The following SDCBP2 variants were observed in gnomAD, a reference collection of about 807,000 sequenced individuals.
The protein encoded by SDCBP2 is syntenin-2.
In SDCBP2, 28 loss-of-function variants were observed where a neutral mutation model predicts 30.7. That is an observed-to-expected ratio of 0.91 (90% CI 0.68 to 1.25). The LOEUF (loss-of-function observed/expected upper bound fraction) is 1.25. Among genes scored for constraint, SDCBP2 ranks in the 50% most tolerant of loss-of-function variants. The pLI is 0.00. For synonymous variants in SDCBP2, 166 were observed against 157.3 expected, an observed-to-expected ratio of 1.06 and a Z score of -0.41; for missense variants, 399 against 379.0, an observed-to-expected ratio of 1.05 and a Z score of -0.44.
Position 1,319,630 on chromosome 20 carries a change from T to A in SDCBP2, c.84A>T (p.Pro28=). The part of the protein sequence containing the change: ...QAQVRASPKM[P]ALPVQATAIS... ...TGGCTGTTGCCTGGACTGGCAGGGC[T>A]GGCATCTTGGGTGAGGCTCTGACCT... The change falls in exon 3 of 9, where the codon CCA becomes CCT. Residue 28 remains proline, a synonymous_variant. Transcript: ENST00000360779. 4 of 1,571,186 alleles carry A rather than the reference T, an allele frequency of 2.5e-6. No individual in the cohort carries two copies. The highest frequency in any genetic ancestry group is 3.5e-6 in the Non-Finnish European group (4 of 1,157,744).
At position 1,318,363 on chromosome 20, in the gene SDCBP2, G is replaced by A; in HGVS notation, c.180C>T (p.Ser60=). 6.2e-7 allele frequency: 1 copy of A among 1,613,544 alleles called. No individual in the cohort carries two copies. Among genetic ancestry groups the A allele is most frequent in the Non-Finnish European group, 8.5e-7 (1 of 1,179,760 alleles). ...GAAGCAGGCTCTCCTGGACTTCTTGGCTGGAGAGGGAAAGACCCATATAAT... is the reference window on the plus strand; with the variant it reads ...GAAGCAGGCTCTCCTGGACTTCTTGACTGGAGAGGGAAAGACCCATATAAT... The part of the protein sequence containing the change: ...LENYMGLSLS[S]QEVQESLLQI... The change falls in exon 4 of 9, where the codon AGC becomes AGT. Residue 60 remains serine, a synonymous_variant. Coordinates refer to ENST00000360779, the MANE Select transcript of SDCBP2 (RefSeq NM_080489.5).
At position 1,312,326 on chromosome 20, in the gene SDCBP2, C is replaced by T. The variant is rs781306769; in HGVS notation, c.732+11G>A. 33 of 1,611,186 alleles carry T rather than the reference C, an allele frequency of 2.0e-5. No homozygotes were observed. The highest frequency in any genetic ancestry group is 2.6e-5 in the Non-Finnish European group (31 of 1,178,868). On this transcript the variant is annotated intron_variant, in intron 7 of 8. Transcript: ENST00000360779. ...CCCGGCAGTCCCTCCCTGGTGCGGCCACCAGCCTACCTTCAGCCCGATAAC... is the reference window on the plus strand; with the variant it reads ...CCCGGCAGTCCCTCCCTGGTGCGGCTACCAGCCTACCTTCAGCCCGATAAC...
chr20:1,312,903 T>C (rs760947554), intron 5 of SDCBP2, 141 bp from the exon 6 acceptor site: 47 of 852,886 alleles, frequency 5.5e-5, no homozygotes, highest in Non-Finnish European at 5.1e-5. Flanking sequence ...GGCACCAAGG[T>C]TACCCCATTT....
chr20:1,323,898 T>C (rs1366724639), intron 1 of SDCBP2: 2 of 152,194 alleles, frequency 1.3e-5, no homozygotes, highest in African/African-American at 2.4e-5. Context: ...AACCTGGGGA[T>C]AGGAAAGGCA....
At position 1,320,450 on chromosome 20, in the gene SDCBP2, G is replaced by A. The variant is rs371612485; in HGVS notation, c.-19-15C>T. On this transcript the variant is annotated splice_polypyrimidine_tract_variant and intron_variant, in intron 1 of 8. Coordinates refer to ENST00000360779, the MANE Select transcript of SDCBP2 (RefSeq NM_080489.5). This position sits in a 1 kb window ranked among gnomAD's most constrained non-coding sequence, Gnocchi z 4.7. ...CTCAGAACACCCTGCAGAGTGCAGA[G>A]GGTGGGGAAGGATAAGGATGCAGCT... 1.6e-4 allele frequency: 262 copies of A among 1,598,528 alleles called. 1 individual carries two copies. Among genetic ancestry groups the A allele is most frequent in the Middle Eastern group, 3.3e-4 (2 of 5,990 alleles).
At position 1,319,475 on chromosome 20, in the gene SDCBP2, A is replaced by G. The variant is rs2122527949; in HGVS notation, c.124+115T>C. The G allele has an allele frequency of 5.3e-6, 6 of 1,126,420 alleles. No homozygotes were observed. The South Asian group carries it at 8.0e-5, about 15-fold the overall frequency. 69.8% of individuals were successfully genotyped at this position (1,126,420 alleles called of 1,614,324 possible). On this transcript the variant is annotated intron_variant, in intron 3 of 8. Coordinates refer to ENST00000360779, the MANE Select transcript of SDCBP2 (RefSeq NM_080489.5). Reference sequence around the variant, plus strand: ...GGAAGCCTGGTCCTCTCTTCCCACCATGTTGAGTCCTTAACCCTGGAGCCT... The same window carrying G: ...GGAAGCCTGGTCCTCTCTTCCCACCGTGTTGAGTCCTTAACCCTGGAGCCT...
rs1262012214 is a variant in SDCBP2 at position 1,313,658 on chromosome 20, G to A, written c.226-160C>T. On this transcript the variant is annotated intron_variant, in intron 4 of 8. Coordinates refer to ENST00000360779, the MANE Select transcript of SDCBP2 (RefSeq NM_080489.5). The surrounding 1 kb of genome is among the most constrained non-coding windows in gnomAD (Gnocchi z 5.2). ...TTCTCCCCTAGGGGCGAGAGGAGAC[G>A]TGGCTCCACGCGGCCACTAGGGGGC... 1.5e-6 allele frequency: 2 copies of A among 1,373,850 alleles called. No homozygotes were observed. Among genetic ancestry groups the A allele is most frequent in the African/African-American group, 1.5e-5 (1 of 66,840 alleles). The allele number at this position is 1,373,850 out of a possible 1,614,324, so 85.1% of individuals were successfully genotyped here.
chr20:1,313,325 GC>G lies in SDCBP2; in HGVS notation c.384+14del, dbSNP rs768483758. 3 of 1,608,574 alleles carry G rather than the reference GC, an allele frequency of 1.9e-6. No homozygotes were observed. The highest frequency in any genetic ancestry group is 2.2e-5 in the South Asian group (2 of 90,454). Reference sequence around the variant, plus strand: ...CAGCTCGAGCTCCTCTTCCCACCCAGCCCCCGCGCCCTACCTGGTCGACCTT... The same window carrying G: ...CAGCTCGAGCTCCTCTTCCCACCCAGCCCCGCGCCCTACCTGGTCGACCTT... On this transcript the variant is annotated intron_variant, in intron 5 of 8. Coordinates refer to ENST00000360779, the MANE Select transcript of SDCBP2 (RefSeq NM_080489.5). This position sits in a 1 kb window ranked among gnomAD's most constrained non-coding sequence, Gnocchi z 5.2.
chr20:1,315,243 G>T (rs1296715283), intron 4 of SDCBP2, among the ~76,000 whole-genome samples: 1 of 152,140 alleles, frequency 6.6e-6, no homozygotes, highest in East Asian at 1.9e-4. Flanking sequence ...TCAACAAATG[G>T]TGTTGGCTGG....
At chr20:1,311,016 C>T (rs1266562152) in intron 7 of SDCBP2, 125 bp from the exon 8 acceptor site, 2 of 669,582 alleles carry the variant, frequency 3.0e-6, no homozygotes, top group Non-Finnish European at 5.0e-6. Context: ...GACTGCAGGG[C>T]AGGGCTGCCT....
Position 1,313,347 on chromosome 20 carries a change from A to C in SDCBP2, c.377T>G (p.Val126Gly). 6.2e-7 allele frequency: 1 copy of C among 1,611,066 alleles called. No individual in the cohort carries two copies. Among genetic ancestry groups the C allele is most frequent in the Non-Finnish European group, 8.5e-7 (1 of 1,179,510 alleles). The change falls in exon 5 of 9, where the codon GTC becomes GGC. Residue 126 changes from valine (V) to glycine (G), a missense_variant. Physicochemically the swap from Val to Gly is moderately radical, Grantham distance 109. Transcript: ENST00000360779. This position sits in a 1 kb window ranked among gnomAD's most constrained non-coding sequence, Gnocchi z 5.2. ...CCAGCCCCCGCGCCCTACCTGGTCG[A>C]CCTTCCGCAGCCTCAGCCCGGTCTT... ...RGKTGLRLRKVDQGLFVQLVQ... is the reference protein window; with the variant it reads ...RGKTGLRLRKGDQGLFVQLVQ...
Position 1,313,373 on chromosome 20 carries a change from G to C in SDCBP2, c.351C>G (p.Gly117=). 6.2e-7 allele frequency: 1 copy of C among 1,611,534 alleles called. No individual in the cohort carries two copies. Among genetic ancestry groups the C allele is most frequent in the South Asian group, 1.1e-5 (1 of 90,744 alleles). ...CCTTCCGCAGCCTCAGCCCGGTCTT[G>C]CCGCGCTCGTCCTTGCACAGGTGGA... ...REIHLCKDER[G]KTGLRLRKVD... Residue 117 remains glycine (G), a synonymous_variant, in exon 5 of 9, where the codon GGC becomes GGG. Transcript: ENST00000360779. The surrounding 1 kb of genome is among the most constrained non-coding windows in gnomAD (Gnocchi z 5.2).
intron 4 of SDCBP2, among the ~76,000 whole-genome samples, chr20:1,314,894 C>G (rs6074424): frequency 0.42 from 64,183 of 152,030 alleles, 14,507 homozygotes; most frequent in East Asian, 0.64. Flanking sequence ...TCTGTATTCA[C>G]GTGTTGAAAG....
Position 1,313,204 on chromosome 20 carries a change from G to A in SDCBP2, c.384+136C>T, listed in dbSNP as rs1054653467. 9 of 929,670 alleles carry A rather than the reference G, an allele frequency of 9.7e-6. No individual in the cohort carries two copies. The highest frequency in any genetic ancestry group is 1.6e-5 in the African/African-American group (1 of 61,482). The allele number at this position is 929,670 out of a possible 1,614,324, so 57.6% of individuals were successfully genotyped here. The stretch of plus-strand genomic sequence containing the variant: ...GGGTCTCGGGGAGGAGGGACTGGGG[G>A]CAAGAGCCTGGCCGCTGGGGTTAGG... On this transcript the variant is annotated intron_variant, in intron 5 of 8. Coordinates refer to ENST00000360779, the MANE Select transcript of SDCBP2 (RefSeq NM_080489.5). This position sits in a 1 kb window ranked among gnomAD's most constrained non-coding sequence, Gnocchi z 5.2.
chr20:1,310,545 C>G, intron 8 of SDCBP2, 50 bp from the exon 9 acceptor site: 1 of 1,550,236 alleles, frequency 6.5e-7, no homozygotes, highest in Non-Finnish European at 8.8e-7. Flanking sequence ...TCTCTCCACC[C>G]TCCAGCAACC....
intron 7 of SDCBP2, 44 bp downstream of exon 7, chr20:1,312,293 T>C (rs1158843619): frequency 1.3e-6 from 2 of 1,593,698 alleles, no homozygotes; most frequent in South Asian, 1.1e-5. Flanking sequence ...ACCTGAGCCC[T>C]CCCACCACCC....
intron 4 of SDCBP2, among the ~76,000 whole-genome samples, chr20:1,316,027 G>A (rs901875733): frequency 7.9e-5 from 12 of 152,256 alleles, no homozygotes; most frequent in East Asian, 1.9e-4. Flanking sequence ...CACCTGACCC[G>A]GGAGGTGGAG....
rs568126607 is a variant in SDCBP2, at chr20:1,317,764, C to T, written c.225+554G>A. The T allele has an allele frequency of 4.4e-4, 103 of 233,438 alleles. No homozygotes were observed. In the Middle Eastern group the frequency reaches 0.014, roughly 31 times the overall value. 14.5% of individuals were successfully genotyped at this position (233,438 alleles called of 1,614,324 possible). A position where few individuals can be genotyped will look rare whatever the true frequency, so the allele number is the denominator to read the frequency against. The stretch of plus-strand genomic sequence containing the variant: ...TACTTTCAGTTTCATCGGCTCAGGA[C>T]GAGCCTGGCAGGAAGACTGACAGGT... On this transcript the variant is annotated intron_variant, in intron 4 of 8. Coordinates refer to ENST00000360779, the MANE Select transcript of SDCBP2 (RefSeq NM_080489.5).
chr20:1,313,391 C>G lies in SDCBP2; in HGVS notation c.333G>C (p.Leu111=). Residue 111 remains leucine (L), a synonymous_variant, in exon 5 of 9, where the codon CTG becomes CTC. Transcript: ENST00000360779. This position sits in a 1 kb window ranked among gnomAD's most constrained non-coding sequence, Gnocchi z 5.2. ...EIKPGVREIH[L]CKDERGKTGL... is the part of the protein sequence containing the mutation. ...CGGTCTTGCCGCGCTCGTCCTTGCACAGGTGGATCTCGCGCACCCCGGGCT... is the reference window on the plus strand; with the variant it reads ...CGGTCTTGCCGCGCTCGTCCTTGCAGAGGTGGATCTCGCGCACCCCGGGCT... 6.2e-7 allele frequency: 1 copy of G among 1,610,938 alleles called. No homozygotes were observed. The highest frequency in any genetic ancestry group is 8.5e-7 in the Non-Finnish European group (1 of 1,179,334).
Sources: allele counts gnomAD v4.1 joint callset (sites outside exome capture counted in the v4.1 genomes callset), GRCh38; gene constraint gnomAD v4.1.1; non-coding constraint Gnocchi (gnomAD v3.1); transcripts MANE v1.5; gene names NCBI Gene and HGNC (gene_info 2026-07-23, HGNC 2026-07-21).